The following ATR variants were observed in gnomAD, a reference collection of about 807,000 sequenced individuals.
The protein encoded by ATR is serine/threonine-protein kinase ATR.
A neutral mutation model predicts 305.3 loss-of-function variants in ATR; 142 were observed. The observed-to-expected ratio is 0.47, with a 90% CI of 0.41 to 0.53. ATR has a LOEUF of 0.53. ATR is among the 20% of genes least tolerant of loss of function. The pLI is 0.00. For synonymous variants in ATR, 1,050 were observed against 1,068.1 expected, an observed-to-expected ratio of 0.98 and a Z score of 0.33; for missense variants, 2,135 against 3,133.1, an observed-to-expected ratio of 0.68 and a Z score of 7.60.
In ATR at chr3:142,498,638, A is replaced by G. The variant is rs1302486011; in HGVS notation, c.5517T>C (p.Phe1839=). Residue 1839 remains phenylalanine, a synonymous_variant, in exon 32 of 47, where the codon TTT becomes TTC. Coordinates refer to ENST00000350721, the MANE Select transcript of ATR (RefSeq NM_001184.4). ...EQIVPLSAAS[F]ERGSYQRGYE... is the part of the protein sequence containing the mutation. ...ATCCTCGTTGGTAGGAGCCTCTTTCAAAGCTTGCAGCTGAAAGAGGTACAA... is the reference window on the plus strand; with the variant it reads ...ATCCTCGTTGGTAGGAGCCTCTTTCGAAGCTTGCAGCTGAAAGAGGTACAA... The G allele has an allele frequency of 6.2e-7, 1 of 1,614,076 alleles. No individual in the cohort carries two copies. The highest frequency in any genetic ancestry group is 1.7e-5 in the Admixed American group (1 of 60,018).
In ATR at chr3:142,571,257, G is replaced by A. The variant is rs550509415; in HGVS notation, c.60-3103C>T. On this transcript the variant is annotated intron_variant, in intron 1 of 46. Coordinates refer to ENST00000350721, the MANE Select transcript of ATR (RefSeq NM_001184.4). ...CTAAGGCAGGCGGATCATGAGGTCA[G>A]TAGATCTAAACCATCCCGGCTAACA... Among the ~76,000 whole-genome samples, 4 of 152,212 alleles carry A rather than the reference G, an allele frequency of 2.6e-5. No homozygotes were observed. In the South Asian group the frequency reaches 8.3e-4, roughly 32 times the overall value.
At chr3:142,475,799 G>A (rs1435225647) in intron 36 of ATR, among the ~76,000 whole-genome samples, 1 of 152,178 alleles carries the variant, frequency 6.6e-6, no homozygotes, top group Non-Finnish European at 1.5e-5. Flanking sequence ...TCTAACTGGT[G>A]TGAGATGGTA....
chr3:142,564,905 C>A lies in ATR; in HGVS notation c.292+1216G>T, dbSNP rs145944975. Reference sequence around the variant, plus strand: ...TAGCTTGTACCACAGGCATGTGCCACCATGTTCAGCTAATGTTTTTCTGTT... The same window carrying A: ...TAGCTTGTACCACAGGCATGTGCCAACATGTTCAGCTAATGTTTTTCTGTT... On this transcript the variant is annotated intron_variant, in intron 3 of 46. Coordinates refer to ENST00000350721, the MANE Select transcript of ATR (RefSeq NM_001184.4). Among the ~76,000 whole-genome samples, 4 of 152,116 alleles carry A rather than the reference C, an allele frequency of 2.6e-5. No homozygotes were observed. In the East Asian group the frequency reaches 7.7e-4, roughly 29 times the overall value.
In ATR at chr3:142,535,031, C is replaced by T. The variant is rs549989815; in HGVS notation, c.3945+49G>A. ...TCATTTTGTCATCTTTTCTTTAAGC[C>T]TCCAATCTTTCTTTGTTATACATTT... On this transcript the variant is annotated intron_variant, in intron 21 of 46. Coordinates refer to ENST00000350721, the MANE Select transcript of ATR (RefSeq NM_001184.4). 2.0e-5 allele frequency: 31 copies of T among 1,555,384 alleles called. No individual in the cohort carries two copies. In the African/African-American group the frequency reaches 4.1e-4, roughly 21 times the overall value.
intron 30 of ATR, among the ~76,000 whole-genome samples, chr3:142,502,136 T>C (rs2032000568): frequency 6.6e-6 from 1 of 152,168 alleles, no homozygotes; most frequent in African/African-American, 2.4e-5. Context: ...GGAATATAAA[T>C]TAGTTCAGCC....
intron 23 of ATR, 67 bp from the exon 24 acceptor site, chr3:142,519,851 T>C: frequency 8.8e-7 from 1 of 1,133,672 alleles, no homozygotes; most frequent in South Asian, 1.2e-5. Flanking sequence ...TTCGTCAATG[T>C]TCTACATATC....
At chr3:142,465,068 A>C (rs2071096976) in intron 41 of ATR, 29 bp downstream of exon 41, 10 of 1,331,818 alleles carry the variant, frequency 7.5e-6, no homozygotes, top group Non-Finnish European at 9.7e-6. Context: ...AAAATAAATA[A>C]ATAAAATAAA....
At position 142,513,484 on chromosome 3, in the gene ATR, A is replaced by G; in HGVS notation, c.4641+17T>C. The G allele has an allele frequency of 6.2e-7, 1 of 1,612,740 alleles. No homozygotes were observed. The highest frequency in any genetic ancestry group is 8.5e-7 in the Non-Finnish European group (1 of 1,179,136). ...AGTTTCACATGTTCAAAAACCAAGT[A>G]AGATGATTTATCTCACCTCCTGCTG... On this transcript the variant is annotated intron_variant, in intron 26 of 46. Transcript: ENST00000350721.
intron 39 of ATR, among the ~76,000 whole-genome samples, chr3:142,467,335 C>A (rs1015512792): frequency 5.3e-5 from 8 of 152,026 alleles, no homozygotes; most frequent in African/African-American, 1.9e-4. Context: ...ACTTTAGTCA[C>A]AAATCTACCG....
intron 36 of ATR, 79 bp downstream of exon 36, chr3:142,485,061 T>G: frequency 6.3e-7 from 1 of 1,574,990 alleles, no homozygotes; most frequent in East Asian, 2.2e-5. Flanking sequence ...TAGAATATGC[T>G]AAGACATGTG....
At chr3:142,497,294 A>G (rs1325862831) in intron 32 of ATR, 102 bp from the exon 33 acceptor site, 2 of 1,218,056 alleles carry the variant, frequency 1.6e-6, no homozygotes, top group African/African-American at 3.1e-5. Flanking sequence ...AATTTAAAAT[A>G]CACAGTTGTC....
chr3:142,472,523 T>C (rs951772789), intron 36 of ATR, among the ~76,000 whole-genome samples: 5 of 152,248 alleles, frequency 3.3e-5, no homozygotes, highest in African/African-American at 9.6e-5. Flanking sequence ...TGATTAACGA[T>C]GCCGAACTTT....
intron 1 of ATR, among the ~76,000 whole-genome samples, chr3:142,568,411 A>T (rs1034527179): frequency 9.2e-5 from 14 of 152,248 alleles, no homozygotes; most frequent in Non-Finnish European, 1.5e-5. Flanking sequence ...GCCACTAGCT[A>T]CAAGTAACTA....
chr3:142,450,299 A>T, intron 46 of ATR: 1 of 920,830 alleles, frequency 1.1e-6, no homozygotes, highest in Non-Finnish European at 1.7e-6. Context: ...GCTGCCGCTT[A>T]TTTCTTTGGT....
intron 1 of ATR, among the ~76,000 whole-genome samples, chr3:142,569,378 T>C (rs1315484694): frequency 6.6e-6 from 1 of 152,164 alleles, no homozygotes; most frequent in Non-Finnish European, 1.5e-5. Flanking sequence ...TACTGTGCAG[T>C]GGTGCACCCA....
chr3:142,468,970 A>G (rs1181054590), intron 38 of ATR, among the ~76,000 whole-genome samples: 7 of 152,178 alleles, frequency 4.6e-5, no homozygotes, highest in Non-Finnish European at 8.8e-5. Context: ...CAGCCTGGGC[A>G]ACAGAGAAAG....
chr3:142,520,460 A>T (rs760172812), intron 23 of ATR, among the ~76,000 whole-genome samples: 5 of 152,218 alleles, frequency 3.3e-5, no homozygotes, highest in Admixed American at 6.5e-5. Context: ...AAATGCAAAG[A>T]AAAAGTTCTT....
intron 45 of ATR, 55 bp from the exon 46 acceptor site, chr3:142,453,288 G>C: frequency 6.4e-7 from 1 of 1,565,932 alleles, no homozygotes; most frequent in South Asian, 1.1e-5. Flanking sequence ...AAGAAATCTT[G>C]CTGACATCAA....
rs748187455 is a variant in ATR at position 142,496,469 on chromosome 3, T to A, written c.5790A>T (p.Val1930=). 3.7e-6 allele frequency: 6 copies of A among 1,612,620 alleles called. No individual in the cohort carries two copies. In the South Asian group the frequency reaches 6.6e-5, roughly 18 times the overall value. ...VGECWLQSAR[V]ARKAGHHQTA... ...TCTGGTGGTGACCAGCCTTTCTAGC[T>A]ACCCTGGCACTCTGCAGCCAGCATT... is the stretch of plus-strand genomic sequence containing the variant. Residue 1930 remains valine (V), a synonymous_variant, in exon 34 of 47, where the codon GTA becomes GTT. Coordinates refer to ENST00000350721, the MANE Select transcript of ATR (RefSeq NM_001184.4).
Sources: gnomAD v4.1 joint callset for allele counts (sites outside exome capture counted in the v4.1 genomes callset) on GRCh38, gnomAD v4.1.1 for gene constraint, MANE v1.5 for transcripts, NCBI Gene and HGNC (gene_info 2026-07-23, HGNC 2026-07-21) for gene names.